Variants in TDRP observed in about 807,000 individuals in gnomAD.
TDRP encodes the protein testis development-related protein.
TDRP carries 12 observed loss-of-function variants against 10.5 expected under a neutral mutation model. That is an observed-to-expected ratio of 1.15 (90% CI 0.73 to 1.86). The LOEUF is 1.86. TDRP is among the 40% of genes most tolerant of loss of function. The probability of loss-of-function intolerance (pLI) is 0.00; values close to 1 mark genes in which losing one functional copy is unlikely to be tolerated. For synonymous variants in TDRP, 139 were observed against 95.4 expected (o/e 1.46, Z -2.67); for missense variants, 353 against 229.2 (o/e 1.54, Z -3.49).
intron 1 of TDRP, among the ~76,000 whole-genome samples, chr8:501,238 T>C (rs1337199944): frequency 6.6e-6 from 1 of 151,990 alleles, no homozygotes; most frequent in Middle Eastern, 3.2e-3. Flanking sequence ...AACATGAGCG[T>C]AATGCTCGGG....
At chr8:544,874 C>G (rs893063323), upstream of TDRP, 1 of 661,230 alleles carries the variant, frequency 1.5e-6, no homozygotes, top group African/African-American at 1.9e-5. Context: ...GTGGGCCGGG[C>G]GGGGCTAGGC....
intron 1 of TDRP, among the ~76,000 whole-genome samples, chr8:519,489 C>T (rs1418612481): frequency 3.3e-5 from 5 of 152,058 alleles, no homozygotes; most frequent in African/African-American, 9.7e-5. Flanking sequence ...AGTTCAATTG[C>T]GTTAACTACA....
At chr8:527,342 A>C (rs1385258435) in intron 1 of TDRP, among the ~76,000 whole-genome samples, 1 of 152,196 alleles carries the variant, frequency 6.6e-6, no homozygotes, top group African/African-American at 2.4e-5. Context: ...CATATTGCCC[A>C]AAGCAATCTA....
At chr8:495,949 G>C (rs1423730067) in intron 1 of TDRP, among the ~76,000 whole-genome samples, 4 of 152,240 alleles carry the variant, frequency 2.6e-5, no homozygotes, top group African/African-American at 7.2e-5. Flanking sequence ...TGTCTGGGCA[G>C]AGGTCTGCAT....
rs930059089 is a variant in TDRP, at chr8:491,685, G to C, written c.*714C>G. On this transcript the variant is annotated 3_prime_UTR_variant, in exon 3 of 3. Coordinates refer to ENST00000324079, the MANE Select transcript of TDRP (RefSeq NM_001384899.1). ...ACTTCTTTAATCTGTAAACAAAAAA[G>C]AGAGCAAATGTTTTAAGAAAATAAA... 1.3e-6 allele frequency: 2 copies of C among 1,498,722 alleles called. No individual in the cohort carries two copies. The highest frequency in any genetic ancestry group is 1.4e-5 in the African/African-American group (1 of 70,722). 92.8% of individuals were successfully genotyped at this position (1,498,722 alleles called of 1,614,324 possible).
intron 1 of TDRP, among the ~76,000 whole-genome samples, chr8:502,589 T>C (rs1319447837): frequency 2.0e-5 from 3 of 152,092 alleles, no homozygotes; most frequent in Middle Eastern, 3.2e-3. Context: ...CAGTGGGACC[T>C]ACGCCTACCT....
chr8:519,376 A>G (rs1329899601), intron 1 of TDRP, among the ~76,000 whole-genome samples: 1 of 152,128 alleles, frequency 6.6e-6, no homozygotes, highest in Non-Finnish European at 1.5e-5. Context: ...GACATGACAG[A>G]GAGTCATGGG....
At chr8:496,004 C>T (rs916508424) in intron 1 of TDRP, among the ~76,000 whole-genome samples, 6 of 152,148 alleles carry the variant, frequency 3.9e-5, no homozygotes, top group Non-Finnish European at 5.9e-5. Flanking sequence ...ACTGGAGAGG[C>T]GTTTATGAAT....
chr8:504,240 A>C (rs180675173), intron 1 of TDRP, among the ~76,000 whole-genome samples: 1 of 152,176 alleles, frequency 6.6e-6, no homozygotes, highest in Non-Finnish European at 1.5e-5. Flanking sequence ...CTGCAAACAT[A>C]TCTTTTAAAA....
intron 1 of TDRP, among the ~76,000 whole-genome samples, chr8:508,707 GC>G (rs1049963984): frequency 2.6e-5 from 4 of 151,998 alleles, no homozygotes. Flanking sequence ...TCCACCCCTG[GC>G]CCCTCCCAAA....
chr8:524,217 C>A lies in TDRP; in HGVS notation c.108+20433G>T, dbSNP rs1012758615. On this transcript the variant is annotated intron_variant, in intron 1 of 2. Coordinates refer to ENST00000324079, the MANE Select transcript of TDRP (RefSeq NM_001384899.1). ...CCAAGTTGGTATGTCTACAGGTCTG[C>A]AAGAGTCACAGCATTACTGGGCTTG... Among the ~76,000 whole-genome samples the A allele has an allele frequency of 2.0e-5, 3 of 152,202 alleles. No homozygotes were observed. The South Asian group carries it at 6.2e-4, about 31-fold the overall frequency.
At position 492,417 on chromosome 8, in the gene TDRP, GCTAT is replaced by G. The variant is rs770802168; in HGVS notation, c.536_539del (p.Asp179AlafsTer22). 2.5e-5 allele frequency: 39 copies of G among 1,560,726 alleles called. No individual in the cohort carries two copies. Among genetic ancestry groups the G allele is most frequent in the Middle Eastern group, 1.8e-4 (1 of 5,674 alleles). Reference sequence around the variant, plus strand: ...GCCCCCCTCACTCCGCCTCCTCCGGGCTATCTGTCAGGTGGCCTTTACTCTGCCG... The same window carrying G: ...GCCCCCCTCACTCCGCCTCCTCCGGGCTGTCAGGTGGCCTTTACTCTGCCG... On this transcript the variant is annotated frameshift_variant, in exon 3 of 3. Transcript: ENST00000324079. LOFTEE classifies it high-confidence loss of function.
chr8:513,530 A>G (rs1801673673), intron 1 of TDRP, among the ~76,000 whole-genome samples: 2 of 152,202 alleles, frequency 1.3e-5, no homozygotes, highest in South Asian at 4.1e-4. Context: ...GTCTATGAAA[A>G]TATCTCAGCT....
chr8:493,233 G>T (rs527761914), intron 2 of TDRP, among the ~76,000 whole-genome samples: 15 of 152,332 alleles, frequency 9.8e-5, no homozygotes, highest in African/African-American at 3.4e-4. Context: ...AAAAGGAAAT[G>T]GTAGCAAGCG....
chr8:531,930 C>G (rs114218247), intron 1 of TDRP, among the ~76,000 whole-genome samples: 4,371 of 152,274 alleles, frequency 0.029, 199 homozygotes, highest in African/African-American at 0.1. Context: ...AAGCAGTACT[C>G]TGACAGTGGG....
chr8:502,374 G>A (rs762461745), intron 1 of TDRP, among the ~76,000 whole-genome samples: 7 of 152,186 alleles, frequency 4.6e-5, no homozygotes, highest in Non-Finnish European at 7.3e-5. Context: ...AGGAAGGCCC[G>A]CAGCCGTGTT....
At chr8:518,623 A>G (rs867830340) in intron 1 of TDRP, among the ~76,000 whole-genome samples, 2 of 88,400 alleles carry the variant, frequency 2.3e-5, no homozygotes, top group South Asian at 7.4e-4. Flanking sequence ...ACAGCAAAGT[A>G]ACTTCGACCA....
intron 1 of TDRP, among the ~76,000 whole-genome samples, chr8:534,095 C>T (rs1802281332): frequency 6.6e-6 from 1 of 151,964 alleles, no homozygotes; most frequent in Admixed American, 6.6e-5. Flanking sequence ...TTGTCATAAC[C>T]TATAAGGTAA....
chr8:514,863 G>C (rs1342378149), intron 1 of TDRP, among the ~76,000 whole-genome samples: 2 of 152,106 alleles, frequency 1.3e-5, no homozygotes, highest in Admixed American at 6.5e-5. Context: ...GGCACCAACA[G>C]GCAGGAGAGT....
Sources: gnomAD v4.1 joint callset for allele counts (sites outside exome capture counted in the v4.1 genomes callset) on GRCh38, gnomAD v4.1.1 for gene constraint, MANE v1.5 for transcripts, NCBI Gene and HGNC (gene_info 2026-07-23, HGNC 2026-07-21) for gene names.